KLHL1: variants seen among roughly 807,000 people sequenced by gnomAD.
The protein encoded by KLHL1 is kelch like family member 1.
In KLHL1, 47 loss-of-function variants were observed where a neutral mutation model predicts 77.7. The observed-to-expected ratio is 0.60, with a 90% CI of 0.48 to 0.77. The LOEUF (loss-of-function observed/expected upper bound fraction) is 0.77, where lower values mean the gene tolerates loss of function less well. Ranked by LOEUF, KLHL1 falls within the 30% of genes least tolerant of loss-of-function variation. KLHL1 has a pLI of 0.00. For missense variants in KLHL1, 925 were observed against 910.8 expected, an observed-to-expected ratio of 1.02 and a Z score of -0.20; for synonymous variants, 360 against 325.2, an observed-to-expected ratio of 1.11 and a Z score of -1.15.
chr13:69,876,204 T>C (rs1031140934), intron 5 of KLHL1, among the ~76,000 whole-genome samples: 17 of 152,206 alleles, frequency 1.1e-4, no homozygotes, highest in Non-Finnish European at 5.9e-5. Context: ...TAATCTGCTC[T>C]GTATATTTTC....
At chr13:69,887,339 T>C (rs1881257389) in intron 4 of KLHL1, among the ~76,000 whole-genome samples, 1 of 152,198 alleles carries the variant, frequency 6.6e-6, no homozygotes, top group African/African-American at 2.4e-5. Context: ...GGCTGTTTCC[T>C]CAGAGGGCAC....
At chr13:69,785,097 T>C (rs1876451656) in intron 7 of KLHL1, among the ~76,000 whole-genome samples, 1 of 151,596 alleles carries the variant, frequency 6.6e-6, no homozygotes, top group East Asian at 2.0e-4. Flanking sequence ...TTTCACCATT[T>C]TAGCCGGGAT....
intron 5 of KLHL1, among the ~76,000 whole-genome samples, chr13:69,872,706 C>T (rs1880628405): frequency 6.6e-6 from 1 of 152,178 alleles, no homozygotes; most frequent in African/African-American, 2.4e-5. Context: ...TCAAAATCTG[C>T]ATTCTCATGG....
rs919437920 is a variant in KLHL1, at chr13:70,107,397, C to G, written c.303G>C (p.Thr101=). The G allele has an allele frequency of 1.9e-6, 3 of 1,613,970 alleles. No individual in the cohort carries two copies. Among genetic ancestry groups the G allele is most frequent in the Non-Finnish European group, 1.7e-6 (2 of 1,180,036 alleles). ...GCCCAGGAGCCCCTTGCTGCAGCCT[C>G]GTGGCAACTGGAAGCAGGGTGCCAT... is the stretch of plus-strand genomic sequence containing the variant. ...PLNGTLLPVA[T]RLQQGAPGQG... is the part of the protein sequence containing the mutation. The change falls in exon 1 of 11, where the codon ACG becomes ACC. Residue 101 remains threonine, a synonymous_variant. Coordinates refer to ENST00000377844, the MANE Select transcript of KLHL1 (RefSeq NM_020866.3).
rs537361942 is a variant in KLHL1, at chr13:69,880,085, A to G, written c.1227+2198T>C. Among the ~76,000 whole-genome samples the G allele has an allele frequency of 1.3e-3, 203 of 152,282 alleles. 3 individuals are homozygous for G. Among genetic ancestry groups the G allele is most frequent in the African/African-American group, 4.7e-3 (197 of 41,582 alleles). ...AACAGGGAAATGGCACTCATATTGT[A>G]GAAATATCTCTGTGTATATTCATAT... is the stretch of plus-strand genomic sequence containing the variant. On this transcript the variant is annotated intron_variant, in intron 5 of 10. Coordinates refer to ENST00000377844, the MANE Select transcript of KLHL1 (RefSeq NM_020866.3).
rs141959578 is a variant in KLHL1, at chr13:69,759,541, T to C, written c.1640-18985A>G. ...TTAGATCACATAGAAATATTACATA[T>C]ACATAACATAAAGACATATAGACAG... On this transcript the variant is annotated intron_variant, in intron 7 of 10. Coordinates refer to ENST00000377844, the MANE Select transcript of KLHL1 (RefSeq NM_020866.3). 9.6e-3 allele frequency among the ~76,000 whole-genome samples: 1,462 copies of C among 152,278 alleles called. 27 individuals are homozygous for C. The highest frequency in any genetic ancestry group is 0.033 in the African/African-American group (1,375 of 41,558).
In KLHL1 at chr13:69,900,255, C is replaced by A. The variant is rs1166598906; in HGVS notation, c.1015-17760G>T. Among the ~76,000 whole-genome samples the A allele has an allele frequency of 8.9e-4, 136 of 152,048 alleles. 1 individual carries two copies. The highest frequency in any genetic ancestry group is 5.9e-5 in the Non-Finnish European group (4 of 68,024). On this transcript the variant is annotated intron_variant, in intron 4 of 10. Transcript: ENST00000377844. ...AAATGAACCTATTTTATGACAAATA[C>A]AGTACAACAATGGGCTCATGAACGT...
chr13:69,994,951 C>T (rs1885113954), intron 1 of KLHL1, among the ~76,000 whole-genome samples: 1 of 152,180 alleles, frequency 6.6e-6, no homozygotes, highest in South Asian at 2.1e-4. Context: ...AAACTATAGA[C>T]TCTGATGACA....
At chr13:69,877,224 GA>G (rs2138187000) in intron 5 of KLHL1, among the ~76,000 whole-genome samples, 1 of 152,064 alleles carries the variant, frequency 6.6e-6, no homozygotes. Context: ...CCATTCATTA[GA>G]AAATAATATA....
chr13:69,730,811 C>T (rs527866582), intron 8 of KLHL1, among the ~76,000 whole-genome samples: 88 of 152,132 alleles, frequency 5.8e-4, no homozygotes, highest in African/African-American at 2.0e-3. Flanking sequence ...AACTGCTGGA[C>T]TCAAGCAATC....
At chr13:70,048,451 A>T (rs1224157141) in intron 1 of KLHL1, among the ~76,000 whole-genome samples, 1 of 152,242 alleles carries the variant, frequency 6.6e-6, no homozygotes, top group African/African-American at 2.4e-5. Context: ...CTATAGGTAG[A>T]TACAACATCA....
At chr13:70,075,567 G>GTC (rs1887242317) in intron 1 of KLHL1, among the ~76,000 whole-genome samples, 1 of 69,366 alleles carries the variant, frequency 1.4e-5, no homozygotes, top group Non-Finnish European at 2.9e-5. Flanking sequence ...GTGTGTGTAT[G>GTC]TGTATATATA....
At chr13:70,050,355 TAA>T (rs1301747521) in intron 1 of KLHL1, among the ~76,000 whole-genome samples, 1 of 151,864 alleles carries the variant, frequency 6.6e-6, no homozygotes, top group East Asian at 1.9e-4. Context: ...TCTAGAAAGT[TAA>T]AGTTTTATAA....
At chr13:69,735,132 T>C (rs1873709071) in intron 8 of KLHL1, among the ~76,000 whole-genome samples, 1 of 151,874 alleles carries the variant, frequency 6.6e-6, no homozygotes, top group Non-Finnish European at 1.5e-5. Context: ...ACAGATCAAA[T>C]AAGAAAACAA....
At chr13:69,826,135 CAG>C (rs1878537467) in intron 6 of KLHL1, among the ~76,000 whole-genome samples, 1 of 151,994 alleles carries the variant, frequency 6.6e-6, no homozygotes, top group South Asian at 2.1e-4. Context: ...CTCATAGAAG[CAG>C]AGAGTAGAAT....
At chr13:69,745,022 G>A (rs890268268) in intron 7 of KLHL1, among the ~76,000 whole-genome samples, 1 of 151,686 alleles carries the variant, frequency 6.6e-6, no homozygotes. Flanking sequence ...TTGAGTAAAT[G>A]CATCTAAAAA....
chr13:70,033,495 G>T (rs1276787438), intron 1 of KLHL1, among the ~76,000 whole-genome samples: 1 of 150,806 alleles, frequency 6.6e-6, no homozygotes, highest in African/African-American at 2.4e-5. Context: ...TTTTAGTAGA[G>T]ATGGGGTTTC....
At chr13:69,992,771 C>T (rs1000163362) in intron 1 of KLHL1, among the ~76,000 whole-genome samples, 1 of 151,990 alleles carries the variant, frequency 6.6e-6, no homozygotes, top group Non-Finnish European at 1.5e-5. Flanking sequence ...TATACTAACG[C>T]TCTTCCTTTG....
chr13:70,090,059 A>C (rs1887636728), intron 1 of KLHL1, among the ~76,000 whole-genome samples: 1 of 152,128 alleles, frequency 6.6e-6, no homozygotes, highest in Non-Finnish European at 1.5e-5. Flanking sequence ...TCGTCATAGA[A>C]TCCTAACTCT....
Sources: gnomAD v4.1 joint callset for allele counts (sites outside exome capture counted in the v4.1 genomes callset) on GRCh38, gnomAD v4.1.1 for gene constraint, MANE v1.5 for transcripts, NCBI Gene and HGNC (gene_info 2026-07-23, HGNC 2026-07-21) for gene names.